The following VWA8 variants were observed in gnomAD, a reference collection of about 807,000 sequenced individuals.
VWA8 encodes von Willebrand factor A domain containing 8, also known as von Willebrand factor A domain-containing protein 8.
A neutral mutation model predicts 241.5 loss-of-function variants in VWA8; 221 were observed. The ratio of observed to expected loss-of-function variants is 0.91; its 90% confidence interval spans 0.82 to 1.02. The LOEUF is 1.02. Among genes scored for constraint, VWA8 ranks in the 50% least tolerant of loss-of-function variants. VWA8 has a pLI of 0.00. For missense variants in VWA8, 2,322 were observed against 2,328.7 expected (o/e 1.00, Z 0.06); for synonymous variants, 852 against 827.1 (o/e 1.03, Z -0.52).
intron 37 of VWA8, among the ~76,000 whole-genome samples, chr13:41,632,679 T>C (rs1423345616): frequency 6.6e-6 from 1 of 152,308 alleles, no homozygotes; most frequent in East Asian, 1.9e-4. Context: ...TGGTTTACCA[T>C]CTTAGGCCAC....
At chr13:41,631,181 A>G (rs1054536302) in intron 37 of VWA8, among the ~76,000 whole-genome samples, 2 of 151,876 alleles carry the variant, frequency 1.3e-5, no homozygotes, top group Non-Finnish European at 1.5e-5. Context: ...TACCACACCT[A>G]GCTAATTTTT....
intron 9 of VWA8, among the ~76,000 whole-genome samples, chr13:41,881,118 A>T (rs1357918756): frequency 2.0e-5 from 3 of 152,090 alleles, no homozygotes; most frequent in African/African-American, 7.2e-5. Context: ...AACAGGTTAA[A>T]ACCAATTACC....
At chr13:41,606,792 T>C (rs1280048275) in intron 39 of VWA8, among the ~76,000 whole-genome samples, 1 of 152,170 alleles carries the variant, frequency 6.6e-6, no homozygotes, top group East Asian at 1.9e-4. Flanking sequence ...AGACTGACAT[T>C]CCTGCCCTAT....
intron 2 of VWA8, among the ~76,000 whole-genome samples, chr13:41,919,168 C>T (rs998850325): frequency 1.3e-5 from 2 of 152,144 alleles, no homozygotes; most frequent in African/African-American, 4.8e-5. Flanking sequence ...CCCAGGATGG[C>T]CACATAGAGA....
At chr13:41,774,891 G>A (rs1868517787) in intron 20 of VWA8, among the ~76,000 whole-genome samples, 1 of 152,156 alleles carries the variant, frequency 6.6e-6, no homozygotes, top group South Asian at 2.1e-4. Flanking sequence ...TAAAAAATCT[G>A]AAAAGGAAGG....
intron 15 of VWA8, 39 bp downstream of exon 15, chr13:41,819,179 C>G: frequency 6.4e-7 from 1 of 1,569,202 alleles, no homozygotes; most frequent in Non-Finnish European, 8.6e-7. Context: ...AAGAGATCAG[C>G]TTTTTAAGAA....
At chr13:41,932,672 A>C (rs916920713) in intron 2 of VWA8, among the ~76,000 whole-genome samples, 1 of 151,912 alleles carries the variant, frequency 6.6e-6, no homozygotes, top group Admixed American at 6.6e-5. Flanking sequence ...AAATCAATCA[A>C]TGTAATTCAC....
chr13:41,878,290 T>C (rs997192175), intron 9 of VWA8, among the ~76,000 whole-genome samples: 9 of 152,096 alleles, frequency 5.9e-5, no homozygotes, highest in Non-Finnish European at 8.8e-5. Context: ...TGAGCACATA[T>C]ATTTCACCCA....
In VWA8 at chr13:41,590,727, A is replaced by T; in HGVS notation, c.5025T>A (p.Ala1675=). Residue 1675 remains alanine (A), a synonymous_variant, in exon 41 of 45, where the codon GCT becomes GCA. Transcript: ENST00000379310. ...TCTTGGCATCATCTAATTCTCCAGT[A>T]GCTTGATGTCTTAGCCATTGTCTTT... ...GKERQWLRHQ[A]TGELDDAKII... is the part of the protein sequence containing the mutation. The T allele has an allele frequency of 6.2e-7, 1 of 1,614,090 alleles. No individual in the cohort carries two copies. The highest frequency in any genetic ancestry group is 8.5e-7 in the Non-Finnish European group (1 of 1,180,002).
chr13:41,606,674 G>A (rs1236024223), intron 39 of VWA8, among the ~76,000 whole-genome samples: 1 of 152,150 alleles, frequency 6.6e-6, no homozygotes, highest in Non-Finnish European at 1.5e-5. Flanking sequence ...TAAATGTTCT[G>A]TATTCCTCCC....
intron 40 of VWA8, among the ~76,000 whole-genome samples, chr13:41,603,436 T>C (rs952342658): frequency 2.6e-5 from 4 of 152,148 alleles, no homozygotes; most frequent in Non-Finnish European, 5.9e-5. Flanking sequence ...GGATTAAATG[T>C]GATAGTGCTT....
At chr13:41,745,964 G>GA (rs531186837) in intron 21 of VWA8, among the ~76,000 whole-genome samples, 14 of 149,422 alleles carry the variant, frequency 9.4e-5, no homozygotes, top group South Asian at 4.2e-4. Flanking sequence ...CTTTACAAGT[G>GA]AAAAAAAAAG....
At chr13:41,816,136 C>G (rs1358517628) in intron 16 of VWA8, among the ~76,000 whole-genome samples, 1 of 152,132 alleles carries the variant, frequency 6.6e-6, no homozygotes, top group African/African-American at 2.4e-5. Context: ...AAGAAATTAA[C>G]ATTTAGTAAG....
At chr13:41,758,398 GTATA>G (rs1236188354) in intron 21 of VWA8, among the ~76,000 whole-genome samples, 979 of 24,946 alleles carry the variant, frequency 0.039, 53 homozygotes, top group African/African-American at 0.076. Flanking sequence ...ATATACGCTA[GTATA>G]TATATATATA....
At chr13:41,796,241 C>T (rs1869696779) in intron 17 of VWA8, among the ~76,000 whole-genome samples, 1 of 151,908 alleles carries the variant, frequency 6.6e-6, no homozygotes, top group Non-Finnish European at 1.5e-5. Flanking sequence ...ATGTTTTCAC[C>T]ATTTCTCTAT....
intron 30 of VWA8, 29 bp downstream of exon 30, chr13:41,692,833 A>C: frequency 6.4e-7 from 1 of 1,567,638 alleles, no homozygotes; most frequent in South Asian, 1.1e-5. Flanking sequence ...ATCCTTGGCA[A>C]TTTGTGGGAC....
At position 41,691,430 on chromosome 13, in the gene VWA8, C is replaced by T; in HGVS notation, c.3756G>A (p.Val1252=). 6.2e-7 allele frequency: 1 copy of T among 1,612,354 alleles called. No homozygotes were observed. Among genetic ancestry groups the T allele is most frequent in the Non-Finnish European group, 8.5e-7 (1 of 1,178,880 alleles). The change falls in exon 32 of 45, where the codon GTG becomes GTA. Residue 1252 remains valine (V), a synonymous_variant. Transcript: ENST00000379310. The stretch of plus-strand genomic sequence containing the variant: ...GAGTTCGCCCTTCTAGAACATCCAG[C>T]ACAGTCAGGCTGTTCCTGGAAAAGA... ...FYKEKGNSLT[V]LDVLEGRTHT...
intron 37 of VWA8, among the ~76,000 whole-genome samples, chr13:41,665,432 C>T (rs2044979456): frequency 6.6e-6 from 1 of 151,994 alleles, no homozygotes; most frequent in South Asian, 2.1e-4. Flanking sequence ...ATTTCATGCT[C>T]TTAAATAATA....
At chr13:41,665,688 G>A (rs2044981318) in intron 37 of VWA8, among the ~76,000 whole-genome samples, 1 of 151,986 alleles carries the variant, frequency 6.6e-6, no homozygotes, top group African/African-American at 2.4e-5. Flanking sequence ...CAGGTTTATA[G>A]CCAGTATATT....
Sources: allele counts gnomAD v4.1 joint callset (sites outside exome capture counted in the v4.1 genomes callset), GRCh38; gene constraint gnomAD v4.1.1; transcripts MANE v1.5; gene names NCBI Gene and HGNC (gene_info 2026-07-23, HGNC 2026-07-21).